Variants in NCKAP5L observed in about 807,000 individuals in gnomAD.
The protein encoded by NCKAP5L is nck-associated protein 5-like.
In NCKAP5L, 54 loss-of-function variants were observed where a neutral mutation model predicts 103.2. That is an observed-to-expected ratio of 0.52 (90% confidence interval 0.42 to 0.66). The LOEUF is 0.66. NCKAP5L is among the 30% of genes least tolerant of loss of function. NCKAP5L has a pLI of 0.00. For missense variants in NCKAP5L, 1,733 were observed against 1,750.6 expected, an observed-to-expected ratio of 0.99 and a Z score of 0.18; for synonymous variants, 762 against 748.6, an observed-to-expected ratio of 1.02 and a Z score of -0.29.
chr12:49,819,495 C>T (rs555947720), intron 1 of NCKAP5L, among the ~76,000 whole-genome samples: 2 of 152,050 alleles, frequency 1.3e-5, no homozygotes, highest in Non-Finnish European at 1.5e-5. Context: ...CTATTCAGTC[C>T]TAAAAAAGGA....
rs1451710324 is a variant in NCKAP5L, at chr12:49,795,022, C to T, written c.2838G>A (p.Gly946=). Reference sequence around the variant, plus strand: ...TGACTTCCCTCCGGAGCGGGGAGCCCCCGCCAGCCCCCTCCTTGTTCTTGG... The same window carrying T: ...TGACTTCCCTCCGGAGCGGGGAGCCTCCGCCAGCCCCCTCCTTGTTCTTGG... The part of the protein sequence containing the change: ...EATKNKEGAG[G]GSPLRREVKM... The change falls in exon 8 of 13, where the codon GGG becomes GGA. Residue 946 remains glycine (G), a synonymous_variant. Transcript: ENST00000335999. 1.2e-6 allele frequency: 2 copies of T among 1,606,310 alleles called. No homozygotes were observed. The highest frequency in any genetic ancestry group is 3.4e-5 in the Admixed American group (2 of 58,860).
rs74088200 is a variant in NCKAP5L, at chr12:49,797,706, C to G, written c.466-312G>C. Among the ~76,000 whole-genome samples the G allele has an allele frequency of 4.1e-3, 617 of 152,300 alleles. 6 individuals carry two copies. Among genetic ancestry groups the G allele is most frequent in the African/African-American group, 0.014 (566 of 41,544 alleles). On this transcript the variant is annotated intron_variant, in intron 7 of 12. Transcript: ENST00000335999. The surrounding 1 kb of genome is among the most constrained non-coding windows in gnomAD (Gnocchi z 4.5). ...GATTAGCAGGGCTGACCACCTAAAA[C>G]TCTGACCTCTGTGTTTGTCCCAGGG...
At chr12:49,827,895 C>T (rs1004977790) in intron 1 of NCKAP5L, among the ~76,000 whole-genome samples, 1 of 152,148 alleles carries the variant, frequency 6.6e-6, no homozygotes, top group African/African-American at 2.4e-5. Flanking sequence ...GGGAGAGAGC[C>T]CCTCCCCCCG....
intron 6 of NCKAP5L, among the ~76,000 whole-genome samples, chr12:49,800,574 A>G (rs1946107689): frequency 1.3e-5 from 2 of 152,242 alleles, no homozygotes; most frequent in African/African-American, 2.4e-5. Context: ...GCGACACATC[A>G]TCTCATTGAA....
rs1002414998 is a variant in NCKAP5L, at chr12:49,792,303, G to A, written c.3792+143C>T. 106 of 1,502,160 alleles carry A rather than the reference G, an allele frequency of 7.1e-5. No individual in the cohort carries two copies. In the African/African-American group the frequency reaches 1.4e-3, roughly 20 times the overall value. 93.1% of individuals were successfully genotyped at this position (1,502,160 alleles called of 1,614,324 possible). On this transcript the variant is annotated intron_variant, in intron 12 of 12. Coordinates refer to ENST00000335999, the MANE Select transcript of NCKAP5L (RefSeq NM_001037806.4). The surrounding 1 kb of genome is among the most constrained non-coding windows in gnomAD (Gnocchi z 4.5). ...GGGCAGTGGGGAGGGCCGCTCACAG[G>A]GCATCCCAGGGGTCCTCCTCCCAGA...
In NCKAP5L at chr12:49,792,374, G is replaced by C. The variant is rs1333726454; in HGVS notation, c.3792+72C>G. ...GCGACACACAGGCCGTACCTTACTG[G>C]AGAAACTGGTCTCCCCACATCACTC... On this transcript the variant is annotated intron_variant, in intron 12 of 12. Transcript: ENST00000335999. The surrounding 1 kb of genome is among the most constrained non-coding windows in gnomAD (Gnocchi z 4.5). 6.3e-7 allele frequency: 1 copy of C among 1,583,378 alleles called. No homozygotes were observed. The highest frequency in any genetic ancestry group is 1.3e-5 in the African/African-American group (1 of 74,282).
rs139213975 is a variant in NCKAP5L at position 49,798,197 on chromosome 12, C to A, written c.465+153G>T. 3.9e-5 allele frequency among the ~76,000 whole-genome samples: 6 copies of A among 152,306 alleles called. No homozygotes were observed. The East Asian group carries it at 1.2e-3, about 29-fold the overall frequency. The stretch of plus-strand genomic sequence containing the variant: ...ATTACTAATGCATTTGCTCACAGGG[C>A]CAGTGGCTAGGATTGGGGATCTGCT... On this transcript the variant is annotated intron_variant, in intron 7 of 12. Transcript: ENST00000335999.
intron 1 of NCKAP5L, among the ~76,000 whole-genome samples, chr12:49,816,932 G>C (rs763151695): frequency 1.6e-4 from 25 of 152,186 alleles, no homozygotes; most frequent in Admixed American, 3.9e-4. Context: ...TGGGTATATA[G>C]CTGGGGGCGA....
At position 49,795,720 on chromosome 12, in the gene NCKAP5L, T is replaced by C; in HGVS notation, c.2140A>G (p.Arg714Gly). 1 of 1,608,326 alleles carries C rather than the reference T, an allele frequency of 6.2e-7. No homozygotes were observed. The highest frequency in any genetic ancestry group is 8.5e-7 in the Non-Finnish European group (1 of 1,177,582). ...TTGGCTTCTAGCTGCTCCAGTGGCC[T>C]GTGGATGGAGGGCACCATGTCTCCA... ...SAGDMVPSIH[R>G]PLEQLEAKGG... The change falls in exon 8 of 13, where the codon AGG becomes GGG. Residue 714 changes from arginine to glycine, a missense_variant. Coordinates refer to ENST00000335999, the MANE Select transcript of NCKAP5L (RefSeq NM_001037806.4).
intron 1 of NCKAP5L, among the ~76,000 whole-genome samples, chr12:49,807,209 G>C (rs1365200134): frequency 6.6e-6 from 1 of 152,142 alleles, no homozygotes; most frequent in Admixed American, 6.6e-5. Flanking sequence ...TGGATGTTTG[G>C]GGGCTGGGAT....
intron 1 of NCKAP5L, among the ~76,000 whole-genome samples, chr12:49,827,340 C>T (rs1946429280): frequency 1.3e-5 from 2 of 152,240 alleles, no homozygotes; most frequent in Non-Finnish European, 2.9e-5. Flanking sequence ...CCAAGACCCC[C>T]AGCTCCTCAG....
rs749008429 is a variant in NCKAP5L, at chr12:49,792,988, TGGGGA to T, written c.3341-7_3341-3del. 6.7e-5 allele frequency: 102 copies of T among 1,526,860 alleles called. 1 individual carries two copies. The highest frequency in any genetic ancestry group is 4.3e-4 in the Admixed American group (22 of 50,716). 94.6% of individuals were successfully genotyped at this position (1,526,860 alleles called of 1,614,324 possible). ...AGGTTCGAGTCAAGGAGCCACAGGC[TGGGGA>T]GGGGAGGGGAGGGCCCGTTAAGAGT... On this transcript the variant is annotated splice_region_variant and splice_polypyrimidine_tract_variant and intron_variant, in intron 10 of 12. Coordinates refer to ENST00000335999, the MANE Select transcript of NCKAP5L (RefSeq NM_001037806.4). This position sits in a 1 kb window ranked among gnomAD's most constrained non-coding sequence, Gnocchi z 4.5.
Position 49,795,987 on chromosome 12 carries a change from T to C in NCKAP5L, c.1873A>G (p.Lys625Glu). 1 of 1,537,942 alleles carries C rather than the reference T, an allele frequency of 6.5e-7. No individual in the cohort carries two copies. Among genetic ancestry groups the C allele is most frequent in the Non-Finnish European group, 8.7e-7 (1 of 1,148,844 alleles). The change falls in exon 8 of 13, where the codon AAG becomes GAG. Residue 625 changes from lysine to glutamate, a missense_variant. By Grantham distance (56) the Lys-to-Glu change is moderately conservative (BLOSUM62 1). Transcript: ENST00000335999. ...GGATGGGGAGACTCCGAGCCTGCCT[T>C]GTCCAAACTCTTCTCTTGGGGGCTC... ...YGSPQEKSLD[K>E]AGSESPHPGR...
chr12:49,807,880 A>T (rs1268705457), intron 1 of NCKAP5L, among the ~76,000 whole-genome samples: 1 of 152,182 alleles, frequency 6.6e-6, no homozygotes, highest in Non-Finnish European at 1.5e-5. Context: ...AAGAGAAAAA[A>T]GTTGGGAGGG....
chr12:49,814,259 C>A (rs531363333), intron 1 of NCKAP5L, among the ~76,000 whole-genome samples: 4 of 149,790 alleles, frequency 2.7e-5, no homozygotes, highest in Non-Finnish European at 5.9e-5. Context: ...CCGAAGTGGG[C>A]GGATCACGAG....
chr12:49,793,499 A>G, intron 9 of NCKAP5L, 66 bp from the exon 10 acceptor site: 2 of 1,509,768 alleles, frequency 1.3e-6, no homozygotes, highest in Non-Finnish European at 1.8e-6. Context: ...CCATGCCTCT[A>G]GAGGGTGGGA....
chr12:49,816,057 C>T (rs1946291560), intron 1 of NCKAP5L, among the ~76,000 whole-genome samples: 2 of 152,206 alleles, frequency 1.3e-5, no homozygotes, highest in Non-Finnish European at 1.5e-5. Flanking sequence ...ACTCGTGCAG[C>T]CTCATTGTTC....
At position 49,795,353 on chromosome 12, in the gene NCKAP5L, G is replaced by C. The variant is rs936154960; in HGVS notation, c.2507C>G (p.Thr836Ser). 6.5e-7 allele frequency: 1 copy of C among 1,543,154 alleles called. No homozygotes were observed. The highest frequency in any genetic ancestry group is 8.7e-7 in the Non-Finnish European group (1 of 1,151,216). Residue 836 changes from threonine (T) to serine (S), a missense_variant, in exon 8 of 13, where the codon ACC becomes AGC. By Grantham distance (58) the Thr-to-Ser change is moderately conservative (BLOSUM62 1). Transcript: ENST00000335999. Reference protein sequence around the residue: ...VVPRPGAPLVTKESPKPDKGK... With the variant: ...VVPRPGAPLVSKESPKPDKGK... Reference sequence around the variant, plus strand: ...TTTGTCAGGCTTGGGGGACTCCTTGGTGACTAGCGGAGCCCCAGGTCGAGG... The same window carrying C: ...TTTGTCAGGCTTGGGGGACTCCTTGCTGACTAGCGGAGCCCCAGGTCGAGG...
chr12:49,809,220 T>C (rs1218495462), intron 1 of NCKAP5L, among the ~76,000 whole-genome samples: 1 of 152,086 alleles, frequency 6.6e-6, no homozygotes, highest in African/African-American at 2.4e-5. Context: ...TCCAAAGAGA[T>C]CTTACTGTCC....
Sources: gnomAD v4.1 joint callset for allele counts (sites outside exome capture counted in the v4.1 genomes callset) on GRCh38, gnomAD v4.1.1 for gene constraint, Gnocchi (gnomAD v3.1) non-coding constraint, MANE v1.5 for transcripts, NCBI Gene and HGNC (gene_info 2026-07-23, HGNC 2026-07-21) for gene names.